The following SAE1 variants were observed in gnomAD, a reference collection of about 807,000 sequenced individuals.
SAE1 encodes the protein SUMO1 activating enzyme subunit 1, also known as SUMO-activating enzyme subunit 1.
SAE1 carries 11 observed loss-of-function variants against 40.6 expected under a neutral mutation model. The ratio of observed to expected loss-of-function variants is 0.27; its 90% CI spans 0.17 to 0.45. SAE1 has a LOEUF of 0.45. Ranked by LOEUF, SAE1 falls within the 20% of genes least tolerant of loss-of-function variation. SAE1 has a pLI of 1.00. For missense variants in SAE1, 373 were observed against 427.3 expected, an observed-to-expected ratio of 0.87 and a Z score of 1.12; for synonymous variants, 155 against 154.3, an observed-to-expected ratio of 1.00 and a Z score of -0.03.
At chr19:47,150,074 CAAAAAAAAAAA>C (rs34440742) in intron 2 of SAE1, 117 bp from the exon 3 acceptor site, 1 of 335,120 alleles carries the variant, frequency 3.0e-6, no homozygotes, top group African/African-American at 3.8e-5. Context: ...AAGACTGTCT[CAAAAAAAAAAA>C]AAAAAAAAAA....
intron 6 of SAE1, among the ~76,000 whole-genome samples, chr19:47,181,564 C>T (rs1164807796): frequency 6.8e-6 from 1 of 145,986 alleles, no homozygotes; most frequent in Non-Finnish European, 1.5e-5. Flanking sequence ...CTGCAAGCTC[C>T]ACCTCATAGG....
intron 1 of SAE1, among the ~76,000 whole-genome samples, chr19:47,134,617 G>C (rs538950543): frequency 6.6e-6 from 1 of 152,146 alleles, no homozygotes; most frequent in Non-Finnish European, 1.5e-5. Flanking sequence ...GATCCTAAAG[G>C]GTTGGGGAGG....
intron 6 of SAE1, among the ~76,000 whole-genome samples, chr19:47,173,853 C>T (rs891357450): frequency 2.0e-5 from 3 of 150,498 alleles, no homozygotes; most frequent in African/African-American, 7.4e-5. Flanking sequence ...GGTGCAATCT[C>T]AGCTCACTGC....
At chr19:47,171,673 A>G (rs1216477975) in intron 6 of SAE1, among the ~76,000 whole-genome samples, 1 of 152,032 alleles carries the variant, frequency 6.6e-6, no homozygotes, top group African/African-American at 2.4e-5. Context: ...CATCTTGGCC[A>G]GGCTGGTCTC....
rs138483378 is a variant in SAE1 at position 47,134,257 on chromosome 19, T to C, written c.98+3229T>C. ...TGGTGGGTATTGTGTGAGTACAGAG[T>C]ATAGAATTAATGGAGGGGTTGGGGA... On this transcript the variant is annotated intron_variant, in intron 1 of 8. Coordinates refer to ENST00000270225, the MANE Select transcript of SAE1 (RefSeq NM_005500.3). 2.3e-3 allele frequency among the ~76,000 whole-genome samples: 355 copies of C among 151,786 alleles called. 3 individuals carry two copies. The highest frequency in any genetic ancestry group is 8.4e-3 in the African/African-American group (347 of 41,368).
chr19:47,167,508 G>A (rs564860373), intron 5 of SAE1, among the ~76,000 whole-genome samples: 5 of 151,626 alleles, frequency 3.3e-5, no homozygotes, highest in African/African-American at 9.7e-5. Flanking sequence ...CCAAAGTGCT[G>A]GGATTACAGG....
At chr19:47,145,062 G>A (rs992393665) in intron 2 of SAE1, among the ~76,000 whole-genome samples, 3 of 151,746 alleles carry the variant, frequency 2.0e-5, no homozygotes, top group Non-Finnish European at 4.4e-5. Context: ...GAGTGCAATG[G>A]CGTGATCTTG....
At chr19:47,180,694 A>G (rs543476921) in intron 6 of SAE1, among the ~76,000 whole-genome samples, 1 of 152,120 alleles carries the variant, frequency 6.6e-6, no homozygotes. Flanking sequence ...ACAGTGGTGC[A>G]TGCATGTAGT....
chr19:47,182,667 G>C (rs1301100415), intron 6 of SAE1, among the ~76,000 whole-genome samples: 1 of 152,088 alleles, frequency 6.6e-6, no homozygotes, highest in Non-Finnish European at 1.5e-5. Context: ...GCTCATGAGA[G>C]AACAGAACTG....
intron 7 of SAE1, among the ~76,000 whole-genome samples, chr19:47,202,601 A>G (rs2058661725): frequency 6.6e-6 from 1 of 150,838 alleles, no homozygotes; most frequent in Non-Finnish European, 1.5e-5. Context: ...ATACCCGTTT[A>G]GATTGTGCAC....
At position 47,210,340 on chromosome 19, in the gene SAE1, A is replaced by G. The variant is rs987790726; in HGVS notation, c.*1089A>G. 3 of 152,074 alleles carry G rather than the reference A, an allele frequency of 2.0e-5. No homozygotes were observed. Among genetic ancestry groups the G allele is most frequent in the African/African-American group, 7.2e-5 (3 of 41,406 alleles). The allele number at this position is 152,074 out of a possible 1,614,324, so 9.4% of individuals were successfully genotyped here. A position where few individuals can be genotyped will look rare whatever the true frequency, so the allele number is the denominator to read the frequency against. On this transcript the variant is annotated 3_prime_UTR_variant, in exon 9 of 9. Transcript: ENST00000270225. ...CATTTTTTCTGGGTGATGCAGCAAGAGTTAAATTGTTCACATTCTAGAATG... is the reference window on the plus strand; with the variant it reads ...CATTTTTTCTGGGTGATGCAGCAAGGGTTAAATTGTTCACATTCTAGAATG...
chr19:47,187,966 T>C (rs1162900829), intron 6 of SAE1, among the ~76,000 whole-genome samples: 2 of 152,186 alleles, frequency 1.3e-5, no homozygotes, highest in African/African-American at 4.8e-5. Context: ...TATAGAGTAG[T>C]GACATCGCCT....
intron 4 of SAE1, among the ~76,000 whole-genome samples, chr19:47,154,311 G>A (rs2058306574): frequency 6.6e-6 from 1 of 150,676 alleles, no homozygotes. Flanking sequence ...TGCTGGTCTT[G>A]AACTCCTGAC....
intron 6 of SAE1, among the ~76,000 whole-genome samples, chr19:47,187,835 G>A (rs1357844526): frequency 6.6e-6 from 1 of 152,102 alleles, no homozygotes; most frequent in Admixed American, 6.6e-5. Context: ...GGATTGCCCG[G>A]CCTGTGTCAC....
chr19:47,179,366 A>T (rs917297016), intron 6 of SAE1, among the ~76,000 whole-genome samples: 1 of 146,570 alleles, frequency 6.8e-6, no homozygotes. Context: ...AATTAGCCAG[A>T]CATGGTGGCA....
Position 47,171,710 on chromosome 19 carries a change from C to T in SAE1, c.733+1787C>T, listed in dbSNP as rs139943015. Among the ~76,000 whole-genome samples the T allele has an allele frequency of 4.2e-3, 644 of 151,758 alleles. 6 individuals are homozygous for T. The highest frequency in any genetic ancestry group is 0.015 in the African/African-American group (610 of 41,406). ...AACTCCTGACCTCAGGTGATCTGCC[C>T]ACCTCAGTCTCCCAAAGTGTTGGGA... On this transcript the variant is annotated intron_variant, in intron 6 of 8. Coordinates refer to ENST00000270225, the MANE Select transcript of SAE1 (RefSeq NM_005500.3).
intron 6 of SAE1, among the ~76,000 whole-genome samples, chr19:47,189,311 G>A (rs145828090): frequency 0.011 from 1,678 of 152,068 alleles, 26 homozygotes; most frequent in African/African-American, 0.039. Flanking sequence ...TAACCCCAGC[G>A]CTTTGGGAGG....
At chr19:47,169,404 C>T (rs563388266) in intron 5 of SAE1, among the ~76,000 whole-genome samples, 1 of 152,206 alleles carries the variant, frequency 6.6e-6, no homozygotes, top group South Asian at 2.1e-4. Context: ...CGCCAGCATG[C>T]CTAGCTAATT....
chr19:47,193,312 C>T (rs2058591509), intron 6 of SAE1, among the ~76,000 whole-genome samples: 1 of 151,946 alleles, frequency 6.6e-6, no homozygotes, highest in African/African-American at 2.4e-5. Flanking sequence ...CCACCTGCCT[C>T]AGCCTCTGAA....
Sources: gnomAD v4.1 joint callset for allele counts (sites outside exome capture counted in the v4.1 genomes callset) on GRCh38, gnomAD v4.1.1 for gene constraint, MANE v1.5 for transcripts, NCBI Gene and HGNC (gene_info 2026-07-23, HGNC 2026-07-21) for gene names.